The following ZNF385D variants were observed in gnomAD, a reference collection of about 807,000 sequenced individuals.
ZNF385D encodes the protein zinc finger protein 385D.
A neutral mutation model predicts 35.8 loss-of-function variants in ZNF385D; 15 were observed. The ratio of observed to expected loss-of-function variants is 0.42; its 90% CI spans 0.28 to 0.64. The LOEUF (loss-of-function observed/expected upper bound fraction) is 0.64. Ranked by LOEUF, ZNF385D falls within the 30% of genes least tolerant of loss-of-function variation. The probability of loss-of-function intolerance (pLI) is 0.23; values close to 1 mark genes in which losing one functional copy is unlikely to be tolerated. For missense variants in ZNF385D, 474 were observed against 494.6 expected, an observed-to-expected ratio of 0.96 and a Z score of 0.39; for synonymous variants, 212 against 186.8, an observed-to-expected ratio of 1.13 and a Z score of -1.10.
At chr3:22,220,253 C>A (rs1277249465) in intron 2 of ZNF385D, among the ~76,000 whole-genome samples, 2 of 151,844 alleles carry the variant, frequency 1.3e-5, no homozygotes, top group Non-Finnish European at 2.9e-5. Flanking sequence ...TTCATAGAGA[C>A]AAGATCTCAC....
At chr3:22,252,079 A>G (rs1162442283) in intron 2 of ZNF385D, among the ~76,000 whole-genome samples, 2 of 152,112 alleles carry the variant, frequency 1.3e-5, no homozygotes, top group East Asian at 3.9e-4. Context: ...CAGGGAAGGG[A>G]GAGAGGGAGG....
chr3:22,110,498 C>G (rs1018914656), intron 3 of ZNF385D, among the ~76,000 whole-genome samples: 8 of 151,938 alleles, frequency 5.3e-5, no homozygotes, highest in African/African-American at 1.9e-4. Flanking sequence ...GGGACACGGA[C>G]GAAGCTGGAA....
chr3:21,850,637 C>T (rs539799698), intron 3 of ZNF385D, among the ~76,000 whole-genome samples: 3 of 152,100 alleles, frequency 2.0e-5, no homozygotes, highest in South Asian at 2.1e-4. Context: ...GACAAGTATC[C>T]GGGAGCTAAA....
chr3:21,949,573 T>C (rs1701964171), intron 3 of ZNF385D, among the ~76,000 whole-genome samples: 1 of 145,748 alleles, frequency 6.9e-6, no homozygotes, highest in African/African-American at 2.5e-5. Context: ...TTTTTTTTAA[T>C]ACTTTTAAGT....
chr3:21,973,749 T>A (rs1004507116), intron 3 of ZNF385D, among the ~76,000 whole-genome samples: 1 of 151,980 alleles, frequency 6.6e-6, no homozygotes, highest in African/African-American at 2.4e-5. Flanking sequence ...AATATCAACA[T>A]GCAAAAATCA....
At chr3:21,693,067 T>A (rs549595846) in intron 1 of ZNF385D, among the ~76,000 whole-genome samples, 3 of 152,212 alleles carry the variant, frequency 2.0e-5, no homozygotes, top group African/African-American at 4.8e-5. Flanking sequence ...ACAGACAACT[T>A]TGTACCCAGA....
At chr3:21,785,632 A>T (rs1393188673) in intron 3 of ZNF385D, among the ~76,000 whole-genome samples, 1 of 152,200 alleles carries the variant, frequency 6.6e-6, no homozygotes, top group African/African-American at 2.4e-5. Context: ...TAGATTTCAC[A>T]TATAAGTGAC....
At chr3:21,992,366 C>T (rs948319592) in intron 3 of ZNF385D, among the ~76,000 whole-genome samples, 3 of 152,020 alleles carry the variant, frequency 2.0e-5, no homozygotes, top group Non-Finnish European at 2.9e-5. Context: ...AGATAGAAGA[C>T]ATACAAATAA....
chr3:22,047,245 T>G (rs184831272), intron 3 of ZNF385D, among the ~76,000 whole-genome samples: 68 of 152,228 alleles, frequency 4.5e-4, no homozygotes, highest in Non-Finnish European at 3.5e-4. Flanking sequence ...TACTTTTTTT[T>G]TGTGGTGGTA....
intron 2 of ZNF385D, among the ~76,000 whole-genome samples, chr3:21,623,688 C>T (rs2065064998): frequency 6.6e-6 from 1 of 151,906 alleles, no homozygotes; most frequent in Admixed American, 6.6e-5. Flanking sequence ...AACAAAAAAC[C>T]ACAATGTCTT....
chr3:21,894,900 C>A (rs765800681), intron 3 of ZNF385D, among the ~76,000 whole-genome samples: 2 of 149,142 alleles, frequency 1.3e-5, no homozygotes, highest in Admixed American at 6.7e-5. Context: ...GTGACCTCTA[C>A]CAGGAGCTCA....
intron 3 of ZNF385D, among the ~76,000 whole-genome samples, chr3:22,019,034 C>CTTTTTTTTTTTTTTTTT (rs11380195): frequency 1.6e-4 from 10 of 64,468 alleles, no homozygotes; most frequent in South Asian, 1.4e-3. Flanking sequence ...AGTTATTTAC[C>CTTTTTTTTTTTTTTTTT]TTTTTTTTTT....
At chr3:21,926,238 A>G (rs1700720780) in intron 3 of ZNF385D, among the ~76,000 whole-genome samples, 1 of 151,808 alleles carries the variant, frequency 6.6e-6, no homozygotes, top group East Asian at 1.9e-4. Flanking sequence ...GCTCCCATAA[A>G]CCTGTCATCT....
At chr3:21,546,700 C>G (rs777017321) in intron 3 of ZNF385D, among the ~76,000 whole-genome samples, 2 of 151,952 alleles carry the variant, frequency 1.3e-5, no homozygotes, top group African/African-American at 2.4e-5. Flanking sequence ...GCCATTTAAG[C>G]CAGCCGCAAG....
At chr3:21,932,194 A>AAAAAAG (rs1701047571) in intron 3 of ZNF385D, among the ~76,000 whole-genome samples, 1 of 140,808 alleles carries the variant, frequency 7.1e-6, no homozygotes, top group African/African-American at 2.6e-5. Context: ...AAAAAAAAAA[A>AAAAAAG]GTGTGACTTG....
chr3:21,914,292 T>G (rs10510520), intron 3 of ZNF385D, among the ~76,000 whole-genome samples: 43,991 of 151,936 alleles, frequency 0.29, 7,132 homozygotes, highest in Non-Finnish European at 0.37. Context: ...TAAATCACAT[T>G]GACTTCAAGT....
intron 3 of ZNF385D, among the ~76,000 whole-genome samples, chr3:21,971,722 C>T (rs972373280): frequency 2.0e-5 from 3 of 150,070 alleles, no homozygotes; most frequent in Middle Eastern, 3.2e-3. Flanking sequence ...ACAAGAAACA[C>T]ATTTCACCTA....
rs147423177 is a variant in ZNF385D, at chr3:21,581,538, T to A, written c.166-16854A>T. Among the ~76,000 whole-genome samples the A allele has an allele frequency of 2.2e-3, 334 of 152,260 alleles. 1 individual carries two copies. The highest frequency in any genetic ancestry group is 4.1e-3 in the Non-Finnish European group (278 of 68,034). Reference sequence around the variant, plus strand: ...ATGACAGAGAGGGCTCAATAAAGATTTATTGTTAGAAAAATTATTAGACAT... The same window carrying A: ...ATGACAGAGAGGGCTCAATAAAGATATATTGTTAGAAAAATTATTAGACAT... On this transcript the variant is annotated intron_variant, in intron 2 of 7. Coordinates refer to ENST00000281523, the MANE Select transcript of ZNF385D (RefSeq NM_024697.3).
At chr3:21,833,237 TG>T (rs1695114486) in intron 3 of ZNF385D, among the ~76,000 whole-genome samples, 1 of 152,208 alleles carries the variant, frequency 6.6e-6, no homozygotes, top group African/African-American at 2.4e-5. Context: ...GGCTGAAAGT[TG>T]GCCCCAAAGT....
Sources: gnomAD v4.1 joint callset for allele counts (sites outside exome capture counted in the v4.1 genomes callset) on GRCh38, gnomAD v4.1.1 for gene constraint, MANE v1.5 for transcripts, NCBI Gene and HGNC (gene_info 2026-07-23, HGNC 2026-07-21) for gene names.